The following PHLPP1 variants were observed in gnomAD, a reference collection of about 807,000 sequenced individuals.
The protein encoded by PHLPP1 is PH domain and leucine rich repeat protein phosphatase 1, also known as PH domain leucine-rich repeat-containing protein phosphatase 1.
PHLPP1 carries 42 observed loss-of-function variants against 117.2 expected under a neutral mutation model. The ratio of observed to expected loss-of-function variants is 0.36; its 90% CI spans 0.28 to 0.46. PHLPP1 has a LOEUF of 0.46. Ranked by LOEUF, PHLPP1 falls within the 20% of genes least tolerant of loss-of-function variation. PHLPP1 has a pLI of 1.00. For missense variants in PHLPP1, 2,084 were observed against 2,241.9 expected (o/e 0.93, Z 1.42); for synonymous variants, 1,042 against 970.7 (o/e 1.07, Z -1.37).
At chr18:62,898,487 C>G (rs937152126) in intron 6 of PHLPP1, among the ~76,000 whole-genome samples, 1 of 152,042 alleles carries the variant, frequency 6.6e-6, no homozygotes, top group Non-Finnish European at 1.5e-5. Flanking sequence ...GCCTCCCAAG[C>G]AAGCACAATT....
At chr18:62,960,094 C>T (rs527798893) in intron 13 of PHLPP1, among the ~76,000 whole-genome samples, 101 of 151,996 alleles carry the variant, frequency 6.6e-4, no homozygotes, top group Non-Finnish European at 1.1e-3. Flanking sequence ...ATTTTTTATA[C>T]GTAGGATACA....
In PHLPP1 at chr18:62,773,827, C is replaced by T. The variant is rs560974720; in HGVS notation, c.1577-56208C>T. ...AATTGATTTCTCACAATCCTGGAGG[C>T]TGGGAAGTCCAAGATCAAGTTGCCG... On this transcript the variant is annotated intron_variant, in intron 1 of 16. Coordinates refer to ENST00000262719, the MANE Select transcript of PHLPP1 (RefSeq NM_194449.4). 2.0e-5 allele frequency among the ~76,000 whole-genome samples: 3 copies of T among 152,236 alleles called. No individual in the cohort carries two copies. In the South Asian group the frequency reaches 6.2e-4, roughly 32 times the overall value.
In PHLPP1 at chr18:62,941,692, C is replaced by T. The variant is rs370724487; in HGVS notation, c.2961-26C>T. 3.8e-6 allele frequency: 6 copies of T among 1,576,020 alleles called. No homozygotes were observed. In the South Asian group the frequency reaches 6.8e-5, roughly 18 times the overall value. ...GAGGGTTTTTGTGACTTTTCAATGG[C>T]ATTTTGTTGCGTTTTGTCATTGTAG... On this transcript the variant is annotated intron_variant, in intron 10 of 16. Coordinates refer to ENST00000262719, the MANE Select transcript of PHLPP1 (RefSeq NM_194449.4).
chr18:62,869,928 C>T (rs1216873373), intron 4 of PHLPP1, among the ~76,000 whole-genome samples: 1 of 152,168 alleles, frequency 6.6e-6, no homozygotes, highest in Non-Finnish European at 1.5e-5. Context: ...TGCTCTGTCG[C>T]CCAGGCTGGA....
chr18:62,722,761 A>G (rs1383526750), intron 1 of PHLPP1, among the ~76,000 whole-genome samples: 1 of 152,242 alleles, frequency 6.6e-6, no homozygotes, highest in Non-Finnish European at 1.5e-5. Flanking sequence ...CAACTCCAGA[A>G]ACTTATGATA....
intron 1 of PHLPP1, among the ~76,000 whole-genome samples, chr18:62,817,688 A>G (rs34324879): frequency 0.057 from 8,694 of 152,146 alleles, 340 homozygotes; most frequent in Middle Eastern, 0.088. Context: ...AAAAATATCA[A>G]ATTTGACCAT....
chr18:62,788,600 T>G (rs1240580928), intron 1 of PHLPP1, among the ~76,000 whole-genome samples: 1 of 152,212 alleles, frequency 6.6e-6, no homozygotes, highest in Non-Finnish European at 1.5e-5. Flanking sequence ...CTGTTCTTGT[T>G]CAGTCTACCA....
At chr18:62,940,738 A>C (rs967293967) in intron 10 of PHLPP1, among the ~76,000 whole-genome samples, 2 of 152,036 alleles carry the variant, frequency 1.3e-5, no homozygotes, top group Non-Finnish European at 2.9e-5. Flanking sequence ...TTTAATGTAA[A>C]ATTTATTTAA....
chr18:62,905,356 C>T, intron 8 of PHLPP1, 72 bp downstream of exon 8: 1 of 710,028 alleles, frequency 1.4e-6, no homozygotes, highest in Non-Finnish European at 2.1e-6. Flanking sequence ...TGAGCTTATG[C>T]ACAAGTACTT....
At chr18:62,831,255 G>C (rs1418501435) in intron 2 of PHLPP1, among the ~76,000 whole-genome samples, 3 of 152,048 alleles carry the variant, frequency 2.0e-5, no homozygotes, top group Non-Finnish European at 4.4e-5. Context: ...TGATTTTTAA[G>C]TGATATGTTA....
chr18:62,968,366 G>A (rs999981211), intron 14 of PHLPP1, among the ~76,000 whole-genome samples: 10 of 151,962 alleles, frequency 6.6e-5, no homozygotes, highest in Admixed American at 6.6e-4. Flanking sequence ...CACCAGTGAA[G>A]CCATCTGTTC....
chr18:62,741,535 A>G (rs919636160), intron 1 of PHLPP1, among the ~76,000 whole-genome samples: 5 of 152,150 alleles, frequency 3.3e-5, no homozygotes, highest in East Asian at 1.9e-4. Flanking sequence ...ACAGTACTAT[A>G]GGGTTCTTCC....
chr18:62,747,760 T>G (rs1392792577), intron 1 of PHLPP1, among the ~76,000 whole-genome samples: 1 of 152,162 alleles, frequency 6.6e-6, no homozygotes, highest in Non-Finnish European at 1.5e-5. Flanking sequence ...GCTCAAGTGA[T>G]CCTCTCGCCT....
chr18:62,914,135 A>G (rs1463055512), intron 8 of PHLPP1, among the ~76,000 whole-genome samples: 1 of 152,090 alleles, frequency 6.6e-6, no homozygotes, highest in Non-Finnish European at 1.5e-5. Flanking sequence ...CTGTCAGTGA[A>G]CTTTTCACTG....
chr18:62,978,234 G>C lies in PHLPP1; in HGVS notation c.3985-28G>C. ...TTGCCGCAGGTGCTCTGTATTAACT[G>C]TCTGTCTGCAAACCCTTGTTCTTCC... On this transcript the variant is annotated intron_variant, in intron 16 of 16. Coordinates refer to ENST00000262719, the MANE Select transcript of PHLPP1 (RefSeq NM_194449.4). The surrounding 1 kb of genome is among the most constrained non-coding windows in gnomAD (Gnocchi z 7.0). 1 of 1,417,720 alleles carries C rather than the reference G, an allele frequency of 7.1e-7. No individual in the cohort carries two copies. Among genetic ancestry groups the C allele is most frequent in the Non-Finnish European group, 9.8e-7 (1 of 1,019,446 alleles). The allele number at this position is 1,417,720 out of a possible 1,614,324, so 87.8% of individuals were successfully genotyped here.
intron 14 of PHLPP1, among the ~76,000 whole-genome samples, chr18:62,969,792 T>G (rs1173026415): frequency 2.6e-5 from 4 of 152,260 alleles, no homozygotes; most frequent in African/African-American, 9.6e-5. Context: ...TTTAACTTTC[T>G]TTTGATTAAT....
intron 14 of PHLPP1, 45 bp downstream of exon 14, chr18:62,963,517 C>T: frequency 8.2e-7 from 1 of 1,214,126 alleles, no homozygotes; most frequent in Admixed American, 1.9e-5. Context: ...TCCTGCCTGT[C>T]TCACTCCTTT....
Position 62,715,682 on chromosome 18 carries a change from C to A in PHLPP1, c.-2C>A, listed in dbSNP as rs1910695072. The A allele has an allele frequency of 7.8e-7, 1 of 1,289,102 alleles. No individual in the cohort carries two copies. 79.9% of individuals were successfully genotyped at this position (1,289,102 alleles called of 1,614,324 possible). A position where few individuals can be genotyped will look rare whatever the true frequency, so the allele number is the denominator to read the frequency against. On this transcript the variant is annotated 5_prime_UTR_variant, in exon 1 of 17. Coordinates refer to ENST00000262719, the MANE Select transcript of PHLPP1 (RefSeq NM_194449.4). ...GGGGGGGAAACGCGAAGCCCCACTG[C>A]AATGGAGCCCGCCGCCGCGGCCACG...
At chr18:62,828,133 C>T (rs778869198) in intron 1 of PHLPP1, among the ~76,000 whole-genome samples, 3 of 151,774 alleles carry the variant, frequency 2.0e-5, no homozygotes, top group Non-Finnish European at 4.4e-5. Context: ...TGTTTTTAGT[C>T]CTTCACTTGC....
Sources: allele counts gnomAD v4.1 joint callset (sites outside exome capture counted in the v4.1 genomes callset), GRCh38; gene constraint gnomAD v4.1.1; non-coding constraint Gnocchi (gnomAD v3.1); transcripts MANE v1.5; gene names NCBI Gene and HGNC (gene_info 2026-07-23, HGNC 2026-07-21).